Variants in GBE1 observed in about 807,000 individuals in gnomAD.
GBE1 encodes the protein 1,4-alpha-glucan-branching enzyme.
In GBE1, 70 loss-of-function variants were observed where a neutral mutation model predicts 88.8. The ratio of observed to expected loss-of-function variants is 0.79; its 90% CI spans 0.65 to 0.96. GBE1 has a LOEUF of 0.96. GBE1 is among the 40% of genes least tolerant of loss of function. The pLI, the probability that GBE1 is intolerant of heterozygous loss-of-function variation, is 0.00. For synonymous variants in GBE1, 284 were observed against 300.1 expected, an observed-to-expected ratio of 0.95 and a Z score of 0.56; for missense variants, 872 against 871.0, an observed-to-expected ratio of 1.00 and a Z score of -0.01.
intron 6 of GBE1, among the ~76,000 whole-genome samples, chr3:81,644,883 T>A (rs994771030): frequency 2.3e-4 from 35 of 152,236 alleles, no homozygotes; most frequent in Admixed American, 3.9e-4. Flanking sequence ...CTAGATTTTT[T>A]AATAGCTAGC....
chr3:81,735,131 AT>A (rs1007594766), intron 1 of GBE1, among the ~76,000 whole-genome samples: 1 of 152,172 alleles, frequency 6.6e-6, no homozygotes, highest in Non-Finnish European at 1.5e-5. Flanking sequence ...CTTGGAACAT[AT>A]CCCCCATGGA....
At chr3:81,517,502 CT>C (rs1239690595) in intron 14 of GBE1, among the ~76,000 whole-genome samples, 1 of 151,282 alleles carries the variant, frequency 6.6e-6, no homozygotes, top group Non-Finnish European at 1.5e-5. Flanking sequence ...CAAGTTATGC[CT>C]GTAGATTGCC....
At chr3:81,580,099 T>C (rs1402743238) in intron 11 of GBE1, among the ~76,000 whole-genome samples, 11 of 152,170 alleles carry the variant, frequency 7.2e-5, no homozygotes. Context: ...GCAAAAATGA[T>C]AGAGAAACTT....
chr3:81,647,406 G>A, intron 5 of GBE1, among the ~76,000 whole-genome samples: 1 of 151,890 alleles, frequency 6.6e-6, no homozygotes, highest in Non-Finnish European at 1.5e-5. Context: ...AATATGTTTT[G>A]CTCTAACAGT....
At chr3:81,665,641 T>G (rs1047204802) in intron 3 of GBE1, among the ~76,000 whole-genome samples, 2 of 152,192 alleles carry the variant, frequency 1.3e-5, no homozygotes, top group Non-Finnish European at 2.9e-5. Context: ...CTTCTTGGGA[T>G]ATGTTAATGG....
intron 5 of GBE1, among the ~76,000 whole-genome samples, chr3:81,646,830 T>C (rs1576183740): frequency 6.6e-6 from 1 of 152,180 alleles, no homozygotes; most frequent in South Asian, 2.1e-4. Context: ...TTATGAAAGC[T>C]AAATAAAAAT....
chr3:81,512,794 A>G (rs985598955), intron 14 of GBE1, among the ~76,000 whole-genome samples: 1 of 151,874 alleles, frequency 6.6e-6, no homozygotes, highest in Non-Finnish European at 1.5e-5. Context: ...GGGTTAATGT[A>G]AGTAAAAGTA....
At chr3:81,597,073 A>T (rs1703966029) in intron 7 of GBE1, among the ~76,000 whole-genome samples, 1 of 151,906 alleles carries the variant, frequency 6.6e-6, no homozygotes, top group South Asian at 2.1e-4. Flanking sequence ...TGTTCTCTCT[A>T]GTAGTAAATG....
At chr3:81,587,527 A>C (rs893468444) in intron 9 of GBE1, among the ~76,000 whole-genome samples, 8 of 152,178 alleles carry the variant, frequency 5.3e-5, no homozygotes, top group African/African-American at 1.9e-4. Context: ...CAACAATAGA[A>C]AATTCAAATT....
chr3:81,554,733 T>C (rs926427670), intron 12 of GBE1, among the ~76,000 whole-genome samples: 1 of 152,234 alleles, frequency 6.6e-6, no homozygotes, highest in Non-Finnish European at 1.5e-5. Context: ...TTTAATTGAA[T>C]ACTGGTATCA....
At chr3:81,690,303 CT>C (rs1705502201) in intron 2 of GBE1, among the ~76,000 whole-genome samples, 1 of 152,188 alleles carries the variant, frequency 6.6e-6, no homozygotes, top group East Asian at 1.9e-4. Flanking sequence ...TACTTCGTCT[CT>C]AAATTCCTCT....
At chr3:81,546,689 G>GTC (rs1703208375) in intron 12 of GBE1, among the ~76,000 whole-genome samples, 1 of 151,498 alleles carries the variant, frequency 6.6e-6, no homozygotes, top group Non-Finnish European at 1.5e-5. Context: ...ACCCTCTATG[G>GTC]TCTAAAAGTG....
chr3:81,684,142 G>C (rs1372836379), intron 2 of GBE1, among the ~76,000 whole-genome samples: 1 of 152,154 alleles, frequency 6.6e-6, no homozygotes, highest in Non-Finnish European at 1.5e-5. Context: ...CCAAGAGGGA[G>C]AGTAACAAAG....
chr3:81,676,568 C>T (rs1359650073), intron 2 of GBE1, among the ~76,000 whole-genome samples: 1 of 151,856 alleles, frequency 6.6e-6, no homozygotes, highest in African/African-American at 2.4e-5. Flanking sequence ...AGTATTTGAA[C>T]ATCTCTTACT....
intron 1 of GBE1, chr3:81,743,483 G>A (rs1706379481): frequency 3.0e-6 from 3 of 985,200 alleles, no homozygotes; most frequent in Non-Finnish European, 4.6e-6. Flanking sequence ...TTTTAACAGA[G>A]AATCAATCTT....
intron 9 of GBE1, among the ~76,000 whole-genome samples, chr3:81,589,808 GATGTTTGAC>G: frequency 6.6e-6 from 1 of 151,904 alleles, no homozygotes; most frequent in East Asian, 1.9e-4. Context: ...TTAATTTTTT[GATGTTTGAC>G]ATATAAAATT....
intron 7 of GBE1, among the ~76,000 whole-genome samples, chr3:81,622,363 T>C (rs1199299851): frequency 1.3e-5 from 2 of 152,226 alleles, no homozygotes; most frequent in South Asian, 2.1e-4. Flanking sequence ...GGTCCTCCCA[T>C]TTCACCTGCA....
At chr3:81,588,552 A>T (rs1299215165) in intron 9 of GBE1, among the ~76,000 whole-genome samples, 19 of 152,036 alleles carry the variant, frequency 1.2e-4, no homozygotes, top group Non-Finnish European at 1.8e-4. Flanking sequence ...CAAACATCCC[A>T]TAGACATATT....
intron 1 of GBE1, among the ~76,000 whole-genome samples, chr3:81,757,945 T>C (rs1325084483): frequency 6.6e-6 from 1 of 152,024 alleles, no homozygotes; most frequent in African/African-American, 2.4e-5. Flanking sequence ...ATCTCTTACA[T>C]TAAATGGTCA....
Sources: allele counts gnomAD v4.1 joint callset (sites outside exome capture counted in the v4.1 genomes callset), GRCh38; gene constraint gnomAD v4.1.1; transcripts MANE v1.5; gene names NCBI Gene and HGNC (gene_info 2026-07-23, HGNC 2026-07-21).